PDZD9: variants seen among roughly 807,000 people sequenced by gnomAD.
The protein encoded by PDZD9 is PDZ domain containing 9.
Under a neutral mutation model 16.3 loss-of-function variants are expected in PDZD9, and 13 were observed. The observed-to-expected ratio is 0.80, with a 90% confidence interval of 0.52 to 1.27. The LOEUF (loss-of-function observed/expected upper bound fraction) is 1.27, where lower values mean the gene tolerates loss of function less well. Ranked by LOEUF, PDZD9 falls within the 50% of genes most tolerant of loss-of-function variation. PDZD9 has a pLI of 0.00. For missense variants in PDZD9, 288 were observed against 310.9 expected, an observed-to-expected ratio of 0.93 and a Z score of 0.55; for synonymous variants, 120 against 111.0, an observed-to-expected ratio of 1.08 and a Z score of -0.51.
chr16:21,967,935 A>G, the PDZD9 span, among the ~76,000 whole-genome samples: 1 of 151,944 alleles, frequency 6.6e-6, no homozygotes, highest in African/African-American at 2.4e-5. Flanking sequence ...AAGCTACATT[A>G]TAATAAAAAT....
the PDZD9 span, chr16:21,973,778 A>G: frequency 2.4e-6 from 2 of 822,726 alleles, no homozygotes; most frequent in Non-Finnish European, 3.9e-6. Flanking sequence ...GCTAAGTAAA[A>G]TATTAATCTA....
intron 1 of PDZD9, among the ~76,000 whole-genome samples, chr16:21,996,847 A>G (rs912803263): frequency 6.6e-6 from 1 of 152,088 alleles, no homozygotes; most frequent in African/African-American, 2.4e-5. Context: ...TTAACAGACA[A>G]TGTCTCACTC....
chr16:21,967,162 G>A, the PDZD9 span, among the ~76,000 whole-genome samples: 1 of 152,110 alleles, frequency 6.6e-6, no homozygotes, highest in African/African-American at 2.4e-5. Flanking sequence ...AGAATACTTG[G>A]AGCAATGGCA....
the PDZD9 span, chr16:21,958,577 G>C: frequency 2.5e-6 from 4 of 1,612,466 alleles, no homozygotes; most frequent in Non-Finnish European, 3.4e-6. Flanking sequence ...CCGTGGAATT[G>C]AAGCAGTTGG....
intron 1 of PDZD9, among the ~76,000 whole-genome samples, chr16:22,000,001 G>A (rs1054411738): frequency 2.6e-5 from 4 of 151,818 alleles, no homozygotes; most frequent in African/African-American, 4.8e-5. Context: ...AGATCATGCC[G>A]CTGCACTCTA....
At chr16:21,961,512 TG>T in the PDZD9 span, 141 of 168,082 alleles carry the variant, frequency 8.4e-4, 1 homozygote, top group Admixed American at 4.0e-3. Context: ...TGCTTATGAT[TG>T]TGGTTTCCAG....
chr16:21,996,582 T>A lies in PDZD9; in HGVS notation c.32-81A>T, dbSNP rs373249817. On this transcript the variant is annotated intron_variant, in intron 1 of 3. Coordinates refer to ENST00000424898, the MANE Select transcript of PDZD9 (RefSeq NM_001363519.1). Reference sequence around the variant, plus strand: ...TACCTACTGGGGTTCTGAAGCCAGATCCCTGGGACAGTTATTTAATCCCTG... The same window carrying A: ...TACCTACTGGGGTTCTGAAGCCAGAACCCTGGGACAGTTATTTAATCCCTG... The A allele has an allele frequency of 4.0e-4, 499 of 1,259,376 alleles. 5 individuals carry two copies. The South Asian group carries it at 5.3e-3, about 13-fold the overall frequency. The allele number at this position is 1,259,376 out of a possible 1,614,324, so 78.0% of individuals were successfully genotyped here.
Position 22,001,012 on chromosome 16 carries a change from G to T in PDZD9, c.31+5C>A, listed in dbSNP as rs1190912419. 7.2e-6 allele frequency: 11 copies of T among 1,533,448 alleles called. No homozygotes were observed. The highest frequency in any genetic ancestry group is 2.5e-5 in the East Asian group (1 of 40,716). 95.0% of individuals were successfully genotyped at this position (1,533,448 alleles called of 1,614,324 possible). ...TTCTTCACCCGCTTCCTTCTCCCCA[G>T]TTACCTTTTTTGTTTTTGTGGGAGG... On this transcript the variant is annotated splice_donor_5th_base_variant and intron_variant, in intron 1 of 3. Transcript: ENST00000424898.
Position 21,988,678 on chromosome 16 carries a change from G to A in PDZD9, c.325C>T (p.Arg109Ter), listed in dbSNP as rs116138437. ...TCTTCAGGAATGTTAATAAAATCTC[G>A]GTAAACCTTGATTTGTAGCACTGTT... ...IGTVLQIKVYRDFINIPEEWQ... is the reference protein window; with the variant it reads ...IGTVLQIKVY Residue 109 changes from arginine (R) to a stop codon, truncating the protein, a stop_gained, in exon 3 of 4, where the codon CGA becomes TGA. Transcript: ENST00000424898. LOFTEE classifies it high-confidence loss of function. The A allele has an allele frequency of 4.5e-5, 72 of 1,612,948 alleles. No homozygotes were observed. In the Admixed American group the frequency reaches 1.1e-3, roughly 25 times the overall value.
chr16:21,969,519 G>A, the PDZD9 span, among the ~76,000 whole-genome samples: 2 of 152,138 alleles, frequency 1.3e-5, no homozygotes, highest in Non-Finnish European at 2.9e-5. Flanking sequence ...GCGACAGAGT[G>A]AGACTCTGTC....
chr16:21,983,509 T>G, downstream of PDZD9: 1 of 328,128 alleles, frequency 3.0e-6, no homozygotes. Context: ...GGGTAAATAG[T>G]GCCAGATTAC....
chr16:21,978,954 C>T (rs886584488), downstream of PDZD9, among the ~76,000 whole-genome samples: 1 of 152,122 alleles, frequency 6.6e-6, no homozygotes, highest in Non-Finnish European at 1.5e-5. Context: ...TCTTCAGACA[C>T]CCCCGAAACC....
At chr16:21,957,617 C>T in the PDZD9 span, 2 of 1,581,262 alleles carry the variant, frequency 1.3e-6, no homozygotes, top group African/African-American at 2.7e-5. Flanking sequence ...GTATCTTGGT[C>T]CTGTGAAAAA....
the PDZD9 span, among the ~76,000 whole-genome samples, chr16:21,978,609 T>C: frequency 6.6e-6 from 1 of 152,150 alleles, no homozygotes; most frequent in Non-Finnish European, 1.5e-5. Flanking sequence ...ATTAAAATAG[T>C]TTTACCTAGA....
chr16:21,960,041 G>T, the PDZD9 span, among the ~76,000 whole-genome samples: 1 of 152,182 alleles, frequency 6.6e-6, no homozygotes, highest in East Asian at 1.9e-4. Context: ...AATGGTAAAT[G>T]ACCTCATCCT....
chr16:21,966,306 A>G, the PDZD9 span, among the ~76,000 whole-genome samples: 1 of 152,162 alleles, frequency 6.6e-6, no homozygotes, highest in Non-Finnish European at 1.5e-5. Flanking sequence ...GTTCTTCAGC[A>G]CACCAGCCTC....
downstream of PDZD9, among the ~76,000 whole-genome samples, chr16:21,980,069 GGTGTATTAAAT>G (rs1034445373): frequency 1.3e-5 from 2 of 152,204 alleles, no homozygotes; most frequent in Admixed American, 6.5e-5. Context: ...CGATACGTTA[GGTGTATTAAAT>G]GCACTTTTGA....
At chr16:21,995,702 A>G (rs895901156) in intron 2 of PDZD9, among the ~76,000 whole-genome samples, 41 of 152,058 alleles carry the variant, frequency 2.7e-4, no homozygotes, top group African/African-American at 9.9e-4. Flanking sequence ...GGTTCAAGAG[A>G]TTCTCCTGCC....
At chr16:21,994,678 G>A (rs1034520550) in intron 2 of PDZD9, among the ~76,000 whole-genome samples, 1 of 152,160 alleles carries the variant, frequency 6.6e-6, no homozygotes, top group Non-Finnish European at 1.5e-5. Flanking sequence ...GCAGCTAAGT[G>A]TTAGCAATGC....
Sources: gnomAD v4.1 joint callset for allele counts (sites outside exome capture counted in the v4.1 genomes callset) on GRCh38, gnomAD v4.1.1 for gene constraint, MANE v1.5 for transcripts, NCBI Gene and HGNC (gene_info 2026-07-23, HGNC 2026-07-21) for gene names.